MYH9: variants seen among roughly 807,000 people sequenced by gnomAD.
MYH9 encodes the protein myosin heavy chain 9, also known as myosin-9.
A neutral mutation model predicts 241.9 loss-of-function variants in MYH9; 29 were observed. The observed-to-expected ratio is 0.12, with a 90% CI of 0.09 to 0.16. The LOEUF is 0.16. MYH9 is among the 10% of genes least tolerant of loss of function. The probability of loss-of-function intolerance (pLI) is 1.00; values close to 1 mark genes in which losing one functional copy is unlikely to be tolerated. For missense variants in MYH9, 1,803 were observed against 2,595.5 expected, an observed-to-expected ratio of 0.69 and a Z score of 6.63; for synonymous variants, 1,047 against 1,062.6, an observed-to-expected ratio of 0.99 and a Z score of 0.29.
At chr22:36,331,267 T>C (rs1006386730) in intron 3 of MYH9, among the ~76,000 whole-genome samples, 1 of 152,112 alleles carries the variant, frequency 6.6e-6, no homozygotes, top group African/African-American at 2.4e-5. Context: ...TGCCCAGACA[T>C]GCCGTCCTCA....
At chr22:36,370,982 C>A (rs773770252) in intron 1 of MYH9, among the ~76,000 whole-genome samples, 8 of 152,120 alleles carry the variant, frequency 5.3e-5, no homozygotes, top group Admixed American at 1.3e-4. Flanking sequence ...TTCTATGAAC[C>A]AGAATTTACA....
chr22:36,374,461 A>G (rs1456306891), intron 1 of MYH9, among the ~76,000 whole-genome samples: 1 of 152,248 alleles, frequency 6.6e-6, no homozygotes, highest in Admixed American at 6.5e-5. Context: ...CGGAGGTTGC[A>G]GTGAGCCAAG....
chr22:36,338,255 C>T (rs2017529654), intron 3 of MYH9, among the ~76,000 whole-genome samples: 1 of 151,902 alleles, frequency 6.6e-6, no homozygotes, highest in South Asian at 2.1e-4. Flanking sequence ...CTGCCTCGGC[C>T]TCCCAAAGTG....
intron 2 of MYH9, among the ~76,000 whole-genome samples, chr22:36,344,136 C>T (rs918216747): frequency 6.6e-6 from 1 of 152,250 alleles, no homozygotes; most frequent in African/African-American, 2.4e-5. Flanking sequence ...CTAAGCCCTG[C>T]GGAAAGAGCA....
chr22:36,297,005 C>T lies in MYH9; in HGVS notation c.3110G>A (p.Arg1037His), dbSNP rs1194942976. 8 of 1,613,834 alleles carry T rather than the reference C, an allele frequency of 5.0e-6. No individual in the cohort carries two copies. Among genetic ancestry groups the T allele is most frequent in the Non-Finnish European group, 6.8e-6 (8 of 1,180,044 alleles). Residue 1037 changes from arginine to histidine, a missense_variant, in exon 25 of 41, where the codon CGC becomes CAC. By Grantham distance (29) the Arg-to-His change is conservative (BLOSUM62 0). Transcript: ENST00000216181. Reference sequence around the variant, plus strand: ...CTCCTGTCGCTGCTTCTCCTCCCTGCGGAGGCGCTCTGCAATGCAGGGGGA... The same window carrying T: ...CTCCTGTCGCTGCTTCTCCTCCCTGTGGAGGCGCTCTGCAATGCAGGGGGA... ...AMITDLEERL[R>H]REEKQRQELE... is the part of the protein sequence containing the mutation.
intron 3 of MYH9, among the ~76,000 whole-genome samples, chr22:36,336,140 C>T (rs766003894): frequency 3.3e-5 from 5 of 152,208 alleles, no homozygotes; most frequent in Non-Finnish European, 5.9e-5. Context: ...CCCCAAAATG[C>T]TGGGAACTCA....
At chr22:36,299,373 G>A (rs1168656496) in intron 23 of MYH9, among the ~76,000 whole-genome samples, 1 of 152,198 alleles carries the variant, frequency 6.6e-6, no homozygotes, top group Admixed American at 6.5e-5. Context: ...GCCACACGGC[G>A]CTCACCTGCG....
intron 2 of MYH9, among the ~76,000 whole-genome samples, chr22:36,345,594 A>G (rs1420456591): frequency 6.6e-6 from 1 of 152,198 alleles, no homozygotes; most frequent in Non-Finnish European, 1.5e-5. Flanking sequence ...CCACAGACAC[A>G]CTGTGCTTCC....
At chr22:36,303,242 T>TG (rs1319396083) in intron 19 of MYH9, among the ~76,000 whole-genome samples, 1 of 151,672 alleles carries the variant, frequency 6.6e-6, no homozygotes, top group Non-Finnish European at 1.5e-5. Flanking sequence ...AGGGGACGAG[T>TG]GTGCAGTGCC....
chr22:36,335,423 C>T (rs1349164624), intron 3 of MYH9, among the ~76,000 whole-genome samples: 1 of 152,258 alleles, frequency 6.6e-6, no homozygotes, highest in African/African-American at 2.4e-5. Flanking sequence ...GGGCTGGCGG[C>T]CTCCCGGCTG....
rs136203 is a variant in MYH9 at position 36,354,956 on chromosome 22, AACACACAC to A, written c.-19-5709_-19-5702del. 2.0e-3 allele frequency among the ~76,000 whole-genome samples: 251 copies of A among 123,710 alleles called. 1 individual carries two copies. Among genetic ancestry groups the A allele is most frequent in the African/African-American group, 6.0e-3 (198 of 32,836 alleles). 81.2% of individuals were successfully genotyped at this position (123,710 alleles called of 152,430 possible). ...AAAAAAACAAAAAAACAAAAAACAA[AACACACAC>A]ACACACACACACACACACACACACA... is the stretch of plus-strand genomic sequence containing the variant. On this transcript the variant is annotated intron_variant, in intron 1 of 40. Transcript: ENST00000216181.
Position 36,284,085 on chromosome 22 carries a change from C to A in MYH9, c.5765+8G>T, listed in dbSNP as rs766826415. 4 of 1,613,888 alleles carry A rather than the reference C, an allele frequency of 2.5e-6. No individual in the cohort carries two copies. Among genetic ancestry groups the A allele is most frequent in the Non-Finnish European group, 3.4e-6 (4 of 1,179,976 alleles). ...GAGGCAAAGGGGCGGGTGGGCAGGG[C>A]GGCTCACCTGAGCTTGTTCTTTAGG... On this transcript the variant is annotated splice_region_variant and intron_variant, in intron 40 of 40. Coordinates refer to ENST00000216181, the MANE Select transcript of MYH9 (RefSeq NM_002473.6).
At chr22:36,304,271 G>T in intron 18 of MYH9, 116 bp from the exon 19 acceptor site, 1 of 1,119,292 alleles carries the variant, frequency 8.9e-7, no homozygotes, top group Non-Finnish European at 1.3e-6. Context: ...TGGCTGACGA[G>T]CATCTGGAGA....
rs4821478 is a variant in MYH9, at chr22:36,294,067, G to A, written c.3837+25C>T. On this transcript the variant is annotated intron_variant, in intron 28 of 40. Coordinates refer to ENST00000216181, the MANE Select transcript of MYH9 (RefSeq NM_002473.6). ...ACTGCTGCTAGGGCCCACTGCCCGC[G>A]CCAGGGTCCTGGCGGAGGCCTCACC... The A allele has an allele frequency of 0.64, 1,033,474 of 1,604,594 alleles. 342,601 individuals are homozygous for A. Among genetic ancestry groups the A allele is most frequent in the Non-Finnish European group, 0.69 (814,075 of 1,179,526 alleles).
chr22:36,367,354 C>T (rs1407491781), intron 1 of MYH9, among the ~76,000 whole-genome samples: 3 of 152,100 alleles, frequency 2.0e-5, no homozygotes, highest in Admixed American at 6.5e-5. Context: ...GAAGGGTGAA[C>T]GGTCTCTCCT....
Position 36,300,387 on chromosome 22 carries a change from G to A in MYH9, c.2839-123C>T, listed in dbSNP as rs1004669778. 2 of 1,422,112 alleles carry A rather than the reference G, an allele frequency of 1.4e-6. No homozygotes were observed. The highest frequency in any genetic ancestry group is 2.8e-5 in the African/African-American group (2 of 71,116). 88.1% of individuals were successfully genotyped at this position (1,422,112 alleles called of 1,614,324 possible). The stretch of plus-strand genomic sequence containing the variant: ...AAAATAGCAAGGTCTGTGAGCCCAG[G>A]GCCATGGCTGAGGTGGGGACGGCAA... On this transcript the variant is annotated intron_variant, in intron 22 of 40. Coordinates refer to ENST00000216181, the MANE Select transcript of MYH9 (RefSeq NM_002473.6). This position sits in a 1 kb window ranked among gnomAD's most constrained non-coding sequence, Gnocchi z 5.0.
In MYH9 at chr22:36,292,172, C is replaced by T. The variant is rs2146335451; in HGVS notation, c.4158G>A (p.Val1386=). The change falls in exon 31 of 41, where the codon GTG becomes GTA. Residue 1386 remains valine (V), a synonymous_variant. Transcript: ENST00000216181. ...CCAGGTCCTTCTGGAGCTTCCTCTT[C>T]ACCTCCTCAGCAGTTTCCAGGCACC... The part of the protein sequence containing the change: ...SVGCLETAEE[V]KRKLQKDLEG... The T allele has an allele frequency of 1.2e-6, 2 of 1,614,192 alleles. No individual in the cohort carries two copies. Among genetic ancestry groups the T allele is most frequent in the South Asian group, 1.1e-5 (1 of 91,088 alleles).
intron 2 of MYH9, among the ~76,000 whole-genome samples, chr22:36,342,985 T>G (rs948030149): frequency 6.6e-6 from 1 of 152,188 alleles, no homozygotes; most frequent in Non-Finnish European, 1.5e-5. Flanking sequence ...TCATTGTTCA[T>G]GAAGCAGCCA....
chr22:36,346,473 C>G (rs113698107), intron 2 of MYH9, among the ~76,000 whole-genome samples: 4,600 of 152,298 alleles, frequency 0.03, 228 homozygotes, highest in African/African-American at 0.1. Context: ...CTGACCCTTT[C>G]AGAGCTGCTG....
Sources: allele counts gnomAD v4.1 joint callset (sites outside exome capture counted in the v4.1 genomes callset), GRCh38; gene constraint gnomAD v4.1.1; non-coding constraint Gnocchi (gnomAD v3.1); transcripts MANE v1.5; gene names NCBI Gene and HGNC (gene_info 2026-07-23, HGNC 2026-07-21).